The following SPTLC1 variants were observed in gnomAD, a reference collection of about 807,000 sequenced individuals.
SPTLC1 encodes serine palmitoyltransferase long chain base subunit 1, also known as serine palmitoyltransferase 1.
SPTLC1 carries 55 observed loss-of-function variants against 68.9 expected under a neutral mutation model. That is an observed-to-expected ratio of 0.80 (90% CI 0.64 to 1.00). The LOEUF is 1.00. SPTLC1 is among the 50% of genes least tolerant of loss of function. The pLI is 0.00. For missense variants in SPTLC1, 449 were observed against 573.1 expected (o/e 0.78, Z 2.21); for synonymous variants, 197 against 201.6 (o/e 0.98, Z 0.19).
chr9:92,099,275 AC>A (rs1484507902), intron 3 of SPTLC1, among the ~76,000 whole-genome samples: 4 of 152,146 alleles, frequency 2.6e-5, no homozygotes, highest in Non-Finnish European at 5.9e-5. Context: ...GAGGAAGAGT[AC>A]CTTCCCCTAA....
At chr9:92,073,449 T>A (rs1834569239) in intron 5 of SPTLC1, among the ~76,000 whole-genome samples, 1 of 152,004 alleles carries the variant, frequency 6.6e-6, no homozygotes. Flanking sequence ...GACTACATGA[T>A]CTCTTGTTTA....
intron 3 of SPTLC1, chr9:92,104,638 C>T: frequency 2.7e-6 from 4 of 1,498,594 alleles, no homozygotes; most frequent in South Asian, 2.4e-5. Flanking sequence ...CAGCCAGGCT[C>T]CCGAAGATGG....
At chr9:92,093,651 C>A (rs73512381) in intron 3 of SPTLC1, among the ~76,000 whole-genome samples, 1 of 152,124 alleles carries the variant, frequency 6.6e-6, no homozygotes, top group Non-Finnish European at 1.5e-5. Context: ...ATAAGATATA[C>A]GATGGTCAGC....
At chr9:92,058,046 T>G (rs910821465) in intron 7 of SPTLC1, among the ~76,000 whole-genome samples, 2 of 152,244 alleles carry the variant, frequency 1.3e-5, no homozygotes, top group African/African-American at 2.4e-5. Context: ...AGACTAGCTT[T>G]CTATTACTGC....
chr9:92,052,869 C>T (rs1037081845), intron 8 of SPTLC1, among the ~76,000 whole-genome samples: 13 of 151,922 alleles, frequency 8.6e-5, no homozygotes, highest in African/African-American at 3.1e-4. Flanking sequence ...CACAAAAGCA[C>T]AAGCAACAAC....
At chr9:92,071,227 T>TAA (rs777594686) in intron 5 of SPTLC1, among the ~76,000 whole-genome samples, 227 of 101,186 alleles carry the variant, frequency 2.2e-3, no homozygotes, top group Admixed American at 3.3e-3. Flanking sequence ...CTATCTCTAC[T>TAA]AAAAAAAAAA....
chr9:92,057,908 A>G (rs984487701), intron 7 of SPTLC1, among the ~76,000 whole-genome samples: 1 of 152,260 alleles, frequency 6.6e-6, no homozygotes, highest in African/African-American at 2.4e-5. Context: ...CTCATTTAAA[A>G]AAAAGTTCTA....
intron 3 of SPTLC1, among the ~76,000 whole-genome samples, chr9:92,089,250 A>G (rs564726213): frequency 6.6e-6 from 1 of 152,294 alleles, no homozygotes; most frequent in Non-Finnish European, 1.5e-5. Context: ...ATCTCTAGTA[A>G]TAATACAAAA....
chr9:92,056,028 G>A (rs777574877), intron 7 of SPTLC1, among the ~76,000 whole-genome samples: 2 of 152,154 alleles, frequency 1.3e-5, no homozygotes, highest in Non-Finnish European at 2.9e-5. Flanking sequence ...GGTACAGGGG[G>A]CTTCACTATA....
At chr9:92,060,821 G>A (rs1834070016) in intron 6 of SPTLC1, among the ~76,000 whole-genome samples, 1 of 151,314 alleles carries the variant, frequency 6.6e-6, no homozygotes, top group Admixed American at 6.6e-5. Flanking sequence ...GCTGAGGCAG[G>A]AGAATGGTGT....
chr9:92,040,984 T>C (rs758698622), intron 12 of SPTLC1, among the ~76,000 whole-genome samples: 1 of 152,172 alleles, frequency 6.6e-6, no homozygotes, highest in South Asian at 2.1e-4. Flanking sequence ...GAGTCTATTA[T>C]ACTATTCCTT....
At chr9:92,090,347 G>A (rs1005670151) in intron 3 of SPTLC1, among the ~76,000 whole-genome samples, 1 of 152,186 alleles carries the variant, frequency 6.6e-6, no homozygotes, top group Non-Finnish European at 1.5e-5. Flanking sequence ...GGTGGCTCAT[G>A]CCCGCAATCC....
In SPTLC1 at chr9:92,112,571, G is replaced by A. The variant is rs769188151; in HGVS notation, c.58-9C>T. ...AGATGGTAAGCAGGAGCCTAAGAGT[G>A]AGTCAAAAACAAGTAAGATATGAAA... is the stretch of plus-strand genomic sequence containing the variant. On this transcript the variant is annotated splice_polypyrimidine_tract_variant and intron_variant, in intron 1 of 14. Coordinates refer to ENST00000262554, the MANE Select transcript of SPTLC1 (RefSeq NM_006415.4). 3.7e-5 allele frequency: 58 copies of A among 1,566,668 alleles called. No homozygotes were observed. The East Asian group carries it at 1.2e-3, about 31-fold the overall frequency.
Position 92,071,220 on chromosome 9 carries a change from T to C in SPTLC1, c.428-3122A>G, listed in dbSNP as rs1834473213. 3.8e-5 allele frequency among the ~76,000 whole-genome samples: 5 copies of C among 132,756 alleles called. No homozygotes were observed. In the South Asian group the frequency reaches 7.0e-4, roughly 19 times the overall value. The allele number at this position is 132,756 out of a possible 152,430, so 87.1% of individuals were successfully genotyped here. A position where few individuals can be genotyped will look rare whatever the true frequency, so the allele number is the denominator to read the frequency against. On this transcript the variant is annotated intron_variant, in intron 5 of 14. Coordinates refer to ENST00000262554, the MANE Select transcript of SPTLC1 (RefSeq NM_006415.4). Reference sequence around the variant, plus strand: ...GCCTGACCAAAACGGAGAAACCCTATCTCTACTAAAAAAAAAAAAAAAAAA... The same window carrying C: ...GCCTGACCAAAACGGAGAAACCCTACCTCTACTAAAAAAAAAAAAAAAAAA...
chr9:92,073,090 A>AC lies in SPTLC1; in HGVS notation c.428-4993dup, dbSNP rs528621502. ...GGCTTACAATTTGACCCTGAAGCCGACCCCCATGCCCCTGCCCAGCAATTT... is the reference window on the plus strand; with the variant it reads ...GGCTTACAATTTGACCCTGAAGCCGACCCCCCATGCCCCTGCCCAGCAATTT... On this transcript the variant is annotated intron_variant, in intron 5 of 14. Coordinates refer to ENST00000262554, the MANE Select transcript of SPTLC1 (RefSeq NM_006415.4). 6.6e-5 allele frequency among the ~76,000 whole-genome samples: 10 copies of AC among 151,712 alleles called. No individual in the cohort carries two copies. The South Asian group carries it at 1.3e-3, about 19-fold the overall frequency.
intron 5 of SPTLC1, 101 bp from the exon 6 acceptor site, chr9:92,068,199 T>C (rs1435753795): frequency 5.1e-6 from 6 of 1,174,978 alleles, no homozygotes; most frequent in Non-Finnish European, 7.3e-6. Context: ...TATCAATACT[T>C]TCACCTTATG....
At chr9:92,069,106 G>A (rs1164692784) in intron 5 of SPTLC1, among the ~76,000 whole-genome samples, 1 of 152,170 alleles carries the variant, frequency 6.6e-6, no homozygotes, top group East Asian at 1.9e-4. Context: ...TGGATTTTGA[G>A]ACCCAGGATG....
intron 6 of SPTLC1, 77 bp downstream of exon 6, chr9:92,067,889 T>C (rs1834349316): frequency 6.7e-7 from 1 of 1,488,584 alleles, no homozygotes. Flanking sequence ...AGATAACTTC[T>C]AATGAAGTAT....
At chr9:92,040,345 G>C in intron 12 of SPTLC1, among the ~76,000 whole-genome samples, 1 of 151,866 alleles carries the variant, frequency 6.6e-6, no homozygotes, top group African/African-American at 2.4e-5. Context: ...ACTCCAGCCT[G>C]GGCAACAAAA....
Sources: gnomAD v4.1 joint callset for allele counts (sites outside exome capture counted in the v4.1 genomes callset) on GRCh38, gnomAD v4.1.1 for gene constraint, MANE v1.5 for transcripts, NCBI Gene and HGNC (gene_info 2026-07-23, HGNC 2026-07-21) for gene names.